CACNA1D: variants seen among roughly 807,000 people sequenced by gnomAD.
CACNA1D encodes the protein calcium voltage-gated channel subunit alpha1 D.
CACNA1D carries 55 observed loss-of-function variants against 257.1 expected under a neutral mutation model. That is an observed-to-expected ratio of 0.21 (90% CI 0.17 to 0.27). The LOEUF (loss-of-function observed/expected upper bound fraction) is 0.27, where lower values mean the gene tolerates loss of function less well. Ranked by LOEUF, CACNA1D falls within the 10% of genes least tolerant of loss-of-function variation. The pLI is 1.00. For synonymous variants in CACNA1D, 980 were observed against 1,014.9 expected (o/e 0.97, Z 0.65); for missense variants, 1,876 against 2,784.0 (o/e 0.67, Z 7.34).
At chr3:53,728,248 C>G (rs539180548) in intron 15 of CACNA1D, among the ~76,000 whole-genome samples, 11 of 152,224 alleles carry the variant, frequency 7.2e-5, no homozygotes, top group Admixed American at 1.3e-4. Flanking sequence ...AAGTGATTCT[C>G]CTGCCTCAGC....
chr3:53,631,565 T>C (rs1175647524), intron 3 of CACNA1D, among the ~76,000 whole-genome samples: 1 of 152,244 alleles, frequency 6.6e-6, no homozygotes, highest in African/African-American at 2.4e-5. Flanking sequence ...AATGTTGACT[T>C]TCTTTAATGA....
At chr3:53,772,989 C>A in intron 33 of CACNA1D, 91 bp downstream of exon 33, 1 of 1,114,066 alleles carries the variant, frequency 9.0e-7, no homozygotes. Context: ...GAAGTAGAAG[C>A]ATTGTGATTT....
At chr3:53,799,105 G>C (rs2095522749) in intron 40 of CACNA1D, among the ~76,000 whole-genome samples, 1 of 152,216 alleles carries the variant, frequency 6.6e-6, no homozygotes. Flanking sequence ...TAGGGCTACA[G>C]AGCTGTGGAC....
At chr3:53,785,120 C>T (rs2095445969) in intron 39 of CACNA1D, among the ~76,000 whole-genome samples, 1 of 152,164 alleles carries the variant, frequency 6.6e-6, no homozygotes, top group Non-Finnish European at 1.5e-5. Context: ...GCTGATATTC[C>T]AAACATACCC....
At position 53,750,481 on chromosome 3, in the gene CACNA1D, C is replaced by T. The variant is rs9882645; in HGVS notation, c.3516+1012C>T. 5.1e-3 allele frequency among the ~76,000 whole-genome samples: 772 copies of T among 152,290 alleles called. 9 individuals are homozygous for T. Among genetic ancestry groups the T allele is most frequent in the African/African-American group, 0.017 (726 of 41,554 alleles). ...TTCCTCAGAGGAAGTGGCCCAGGCA[C>T]GGCAAGCCAACCATAGCTGGCTGTA... On this transcript the variant is annotated intron_variant, in intron 27 of 47. Transcript: ENST00000350061.
At chr3:53,741,200 A>C (rs1422203437) in intron 21 of CACNA1D, among the ~76,000 whole-genome samples, 1 of 152,180 alleles carries the variant, frequency 6.6e-6, no homozygotes, top group African/African-American at 2.4e-5. Context: ...GCCAAGAACC[A>C]CAGGGCGTGG....
At chr3:53,802,215 G>A (rs756013214) in intron 43 of CACNA1D, 42 bp downstream of exon 43, 2 of 1,486,676 alleles carry the variant, frequency 1.3e-6, no homozygotes, top group Non-Finnish European at 1.9e-6. Context: ...TACTGTGATG[G>A]TATGTTACCA....
intron 9 of CACNA1D, among the ~76,000 whole-genome samples, chr3:53,711,547 T>A (rs1490929651): frequency 6.6e-6 from 1 of 152,166 alleles, no homozygotes; most frequent in Non-Finnish European, 1.5e-5. Context: ...GCCACCAGGA[T>A]CGGCCCTGGT....
chr3:53,585,892 G>T (rs73840121), intron 3 of CACNA1D, among the ~76,000 whole-genome samples: 1 of 152,262 alleles, frequency 6.6e-6, no homozygotes, highest in African/African-American at 2.4e-5. Flanking sequence ...GGCAGGCAGG[G>T]GGAAGGCCTG....
At chr3:53,516,557 C>A (rs757097874) in intron 3 of CACNA1D, among the ~76,000 whole-genome samples, 8 of 152,240 alleles carry the variant, frequency 5.3e-5, no homozygotes, top group South Asian at 4.1e-4. Context: ...CCTGCTGAGA[C>A]GCTGAGGTCA....
rs200552662 is a variant in CACNA1D at position 53,805,183 on chromosome 3, G to A, written c.5749+37G>A. The A allele has an allele frequency of 6.3e-4, 1,008 of 1,598,264 alleles. 1 individual carries two copies. Among genetic ancestry groups the A allele is most frequent in the Non-Finnish European group, 7.6e-4 (891 of 1,170,938 alleles). On this transcript the variant is annotated intron_variant, in intron 45 of 47. Transcript: ENST00000350061. ...TTTTTTGTTTTGGGTGGAACCTCCC[G>A]GGGAACAGTGTACCTCTCCCCCAAC...
chr3:53,728,203 A>C (rs1198656632), intron 15 of CACNA1D, among the ~76,000 whole-genome samples: 1 of 152,116 alleles, frequency 6.6e-6, no homozygotes, highest in South Asian at 2.1e-4. Flanking sequence ...CAGTGGTGCA[A>C]TCTCGGCTCA....
At chr3:53,558,396 GAGA>G (rs2092682778) in intron 3 of CACNA1D, among the ~76,000 whole-genome samples, 2 of 152,146 alleles carry the variant, frequency 1.3e-5, no homozygotes, top group Non-Finnish European at 2.9e-5. Flanking sequence ...TTTTCTTTGT[GAGA>G]AGTTTTTTGA....
chr3:53,753,528 C>G (rs201722356), intron 28 of CACNA1D, 44 bp from the exon 29 acceptor site: 17 of 1,269,540 alleles, frequency 1.3e-5, no homozygotes, highest in East Asian at 6.9e-5. Context: ...CATGTGAGAT[C>G]GTGGCTGAGG....
At chr3:53,497,115 TAA>T (rs543405396) in intron 1 of CACNA1D, 35 bp from the exon 2 acceptor site, 2 of 1,305,592 alleles carry the variant, frequency 1.5e-6, no homozygotes, top group Non-Finnish European at 2.1e-6. Flanking sequence ...GATCCTCATT[TAA>T]AAAAAAAAAT....
intron 3 of CACNA1D, among the ~76,000 whole-genome samples, chr3:53,625,649 T>C (rs368669157): frequency 2.2e-4 from 34 of 152,364 alleles, no homozygotes; most frequent in African/African-American, 8.2e-4. Context: ...TGTGTTCATT[T>C]ATTGTTTTAT....
At position 53,625,956 on chromosome 3, in the gene CACNA1D, C is replaced by G. The variant is rs2093753547; in HGVS notation, c.484-24823C>G. On this transcript the variant is annotated intron_variant, in intron 3 of 47. Transcript: ENST00000350061. ...GGAGGAGTGTGTGTGGGGTGCACAT[C>G]TGAGAAAATTTACAGACTAGGCTGG... Among the ~76,000 whole-genome samples, 4 of 152,046 alleles carry G rather than the reference C, an allele frequency of 2.6e-5. No individual in the cohort carries two copies. In the South Asian group the frequency reaches 8.3e-4, roughly 32 times the overall value.
chr3:53,637,563 A>G (rs1349114044), intron 3 of CACNA1D, among the ~76,000 whole-genome samples: 1 of 152,128 alleles, frequency 6.6e-6, no homozygotes, highest in Admixed American at 6.6e-5. Context: ...CTCCTCTTGG[A>G]GCCACCAGGT....
At chr3:53,670,860 C>A (rs1191337146) in intron 7 of CACNA1D, among the ~76,000 whole-genome samples, 1 of 152,150 alleles carries the variant, frequency 6.6e-6, no homozygotes, top group Non-Finnish European at 1.5e-5. Context: ...TTGGGAACAG[C>A]TTGCATGTTC....
Sources: gnomAD v4.1 joint callset for allele counts (sites outside exome capture counted in the v4.1 genomes callset) on GRCh38, gnomAD v4.1.1 for gene constraint, MANE v1.5 for transcripts, NCBI Gene and HGNC (gene_info 2026-07-23, HGNC 2026-07-21) for gene names.